Variants in ARHGEF33 observed in about 807,000 individuals in gnomAD.
ARHGEF33 encodes the protein DH and coiled-coil domain-containing protein ENSP00000381780.
ARHGEF33 carries 72 observed loss-of-function variants against 101.9 expected under a neutral mutation model. The observed-to-expected ratio is 0.71, with a 90% CI of 0.58 to 0.86. The LOEUF is 0.86. Among genes scored for constraint, ARHGEF33 ranks in the 40% least tolerant of loss-of-function variants. The probability of loss-of-function intolerance (pLI) is 0.00; values close to 1 mark genes in which losing one functional copy is unlikely to be tolerated. For missense variants in ARHGEF33, 1,169 were observed against 1,111.3 expected (o/e 1.05, Z -0.74); for synonymous variants, 499 against 442.5 (o/e 1.13, Z -1.60).
intron 1 of ARHGEF33, among the ~76,000 whole-genome samples, chr2:38,890,968 G>GTTTTTT (rs11380408): frequency 5.5e-5 from 8 of 144,992 alleles, no homozygotes; most frequent in African/African-American, 5.1e-5. Context: ...CATACTATTG[G>GTTTTTT]TTTTTTTTTT....
At chr2:38,910,973 G>T (rs1056100893) in intron 2 of ARHGEF33, among the ~76,000 whole-genome samples, 1 of 152,162 alleles carries the variant, frequency 6.6e-6, no homozygotes, top group Non-Finnish European at 1.5e-5. Context: ...CAAATAATTT[G>T]TATGAGCTAT....
intron 2 of ARHGEF33, among the ~76,000 whole-genome samples, chr2:38,906,856 G>T (rs1666403126): frequency 6.6e-6 from 1 of 151,258 alleles, no homozygotes; most frequent in African/African-American, 2.4e-5. Context: ...TACTCAGGCA[G>T]CTGAGGTGGG....
At chr2:38,961,573 G>T (rs916965467) in intron 16 of ARHGEF33, among the ~76,000 whole-genome samples, 4 of 152,040 alleles carry the variant, frequency 2.6e-5, no homozygotes, top group Admixed American at 6.6e-5. Flanking sequence ...TCTCATTTTC[G>T]AATGGAAACA....
intron 17 of ARHGEF33, among the ~76,000 whole-genome samples, chr2:38,972,172 A>G (rs968576237): frequency 1.3e-5 from 2 of 152,216 alleles, no homozygotes; most frequent in African/African-American, 4.8e-5. Context: ...AGTCTTCTGA[A>G]TAATGGAAGA....
At chr2:38,955,481 C>T (rs1048034708) in intron 13 of ARHGEF33, among the ~76,000 whole-genome samples, 83 of 71,156 alleles carry the variant, frequency 1.2e-3, no homozygotes, top group South Asian at 2.0e-3. Context: ...ATTGAAAAGA[C>T]TTTTTTTTTT....
At chr2:38,922,550 G>A (rs1666782098) in intron 4 of ARHGEF33, among the ~76,000 whole-genome samples, 1 of 152,168 alleles carries the variant, frequency 6.6e-6, no homozygotes, top group Admixed American at 6.5e-5. Flanking sequence ...CCTAGACTCA[G>A]GCCAGCTATA....
chr2:38,964,823 G>A (rs913770984), intron 16 of ARHGEF33, among the ~76,000 whole-genome samples: 7 of 152,060 alleles, frequency 4.6e-5, no homozygotes, highest in Non-Finnish European at 7.4e-5. Flanking sequence ...GTGTGCGTAA[G>A]GATTACCTAG....
At position 38,958,215 on chromosome 2, in the gene ARHGEF33, G is replaced by T. The variant is rs200233375; in HGVS notation, c.1535+17G>T. The stretch of plus-strand genomic sequence containing the variant: ...TGCCATCACGTAAGCACCTGTTGCT[G>T]TGGGAAGGTTAATGCCAATGCCTTT... On this transcript the variant is annotated intron_variant, in intron 15 of 17. Transcript: ENST00000409978. The T allele has an allele frequency of 2.7e-4, 416 of 1,551,092 alleles. No homozygotes were observed. In the African/African-American group the frequency reaches 4.8e-3, roughly 18 times the overall value.
At chr2:38,911,126 A>G (rs530865395) in intron 2 of ARHGEF33, among the ~76,000 whole-genome samples, 3 of 152,224 alleles carry the variant, frequency 2.0e-5, no homozygotes, top group South Asian at 2.1e-4. Context: ...TCACAAAATA[A>G]TGTTGCTTTT....
Position 38,973,902 on chromosome 2 carries a change from CT to C in ARHGEF33, c.*60del. On this transcript the variant is annotated 3_prime_UTR_variant, in exon 18 of 18. Coordinates refer to ENST00000409978, the MANE Select transcript of ARHGEF33 (RefSeq NM_001145451.5). ...ATGAGGATAAAAAGCTTGTATATAT[CT>C]GTGTAGGAATATATATATATATCTA... The C allele has an allele frequency of 7.5e-7, 1 of 1,329,850 alleles. No homozygotes were observed. Among genetic ancestry groups the C allele is most frequent in the Non-Finnish European group, 1.0e-6 (1 of 995,460 alleles). 82.4% of individuals were successfully genotyped at this position (1,329,850 alleles called of 1,614,324 possible).
chr2:38,958,208 T>C lies in ARHGEF33; in HGVS notation c.1535+10T>C. 1 of 1,551,236 alleles carries C rather than the reference T, an allele frequency of 6.4e-7. No individual in the cohort carries two copies. Among genetic ancestry groups the C allele is most frequent in the South Asian group, 1.2e-5 (1 of 84,020 alleles). Reference sequence around the variant, plus strand: ...CTGGCCCTGCCATCACGTAAGCACCTGTTGCTGTGGGAAGGTTAATGCCAA... The same window carrying C: ...CTGGCCCTGCCATCACGTAAGCACCCGTTGCTGTGGGAAGGTTAATGCCAA... On this transcript the variant is annotated intron_variant, in intron 15 of 17. Transcript: ENST00000409978.
intron 7 of ARHGEF33, 98 bp downstream of exon 7, chr2:38,931,349 T>C: frequency 9.0e-7 from 1 of 1,114,904 alleles, no homozygotes; most frequent in Non-Finnish European, 1.2e-6. Flanking sequence ...TAGAAGAAAA[T>C]GGTGTATTGC....
chr2:38,961,981 C>G (rs111333446), intron 16 of ARHGEF33, among the ~76,000 whole-genome samples: 1 of 152,036 alleles, frequency 6.6e-6, no homozygotes, highest in Non-Finnish European at 1.5e-5. Flanking sequence ...CAGGAAGGGG[C>G]GGGATCATGA....
chr2:38,900,903 G>A (rs147852067), intron 2 of ARHGEF33, among the ~76,000 whole-genome samples: 2 of 152,226 alleles, frequency 1.3e-5, no homozygotes, highest in Non-Finnish European at 2.9e-5. Flanking sequence ...GGAGGCTCCC[G>A]AGAGCAGTAC....
At chr2:38,925,487 G>T (rs1666850850) in intron 4 of ARHGEF33, among the ~76,000 whole-genome samples, 1 of 152,184 alleles carries the variant, frequency 6.6e-6, no homozygotes, top group African/African-American at 2.4e-5. Context: ...AAGCACACCA[G>T]GCTGCATGTC....
At chr2:38,892,330 A>C (rs1029941698) in intron 1 of ARHGEF33, among the ~76,000 whole-genome samples, 1 of 152,208 alleles carries the variant, frequency 6.6e-6, no homozygotes, top group Non-Finnish European at 1.5e-5. Context: ...CTCTCTAAAA[A>C]AATCTCCTCC....
chr2:38,973,517 T>C (rs902795945), intron 17 of ARHGEF33, among the ~76,000 whole-genome samples, 197 bp from the exon 18 acceptor site: 1 of 152,156 alleles, frequency 6.6e-6, no homozygotes, highest in East Asian at 1.9e-4. Flanking sequence ...CATAAAGCAT[T>C]AGAAAGATAT....
intron 9 of ARHGEF33, among the ~76,000 whole-genome samples, chr2:38,942,252 C>G (rs2124400119): frequency 6.8e-6 from 1 of 146,944 alleles, no homozygotes; most frequent in Non-Finnish European, 1.5e-5. Context: ...ACTGCCACCT[C>G]TGCCTCCCGG....
In ARHGEF33 at chr2:38,919,491, C is replaced by T. The variant is rs1666709299; in HGVS notation, c.25+19C>T. The T allele has an allele frequency of 2.6e-6, 4 of 1,551,404 alleles. No individual in the cohort carries two copies. The highest frequency in any genetic ancestry group is 3.5e-6 in the Non-Finnish European group (4 of 1,146,786). ...AAGCAAGGTCAGATTTTTCCTATGT[C>T]TTGCTTTAGGACTTAGGATTCAAGG... is the stretch of plus-strand genomic sequence containing the variant. On this transcript the variant is annotated intron_variant, in intron 3 of 17. Coordinates refer to ENST00000409978, the MANE Select transcript of ARHGEF33 (RefSeq NM_001145451.5).
Sources: gnomAD v4.1 joint callset for allele counts (sites outside exome capture counted in the v4.1 genomes callset) on GRCh38, gnomAD v4.1.1 for gene constraint, MANE v1.5 for transcripts, NCBI Gene and HGNC (gene_info 2026-07-23, HGNC 2026-07-21) for gene names.